Variants in DDX31 observed in about 807,000 individuals in gnomAD.
The protein encoded by DDX31 is ATP-dependent DNA helicase DDX31.
Under a neutral mutation model 91.3 loss-of-function variants are expected in DDX31, and 70 were observed. The ratio of observed to expected loss-of-function variants is 0.77; its 90% CI spans 0.63 to 0.94. DDX31 has a LOEUF of 0.94. Ranked by LOEUF, DDX31 falls within the 40% of genes least tolerant of loss-of-function variation. The probability of loss-of-function intolerance (pLI) is 0.00; values close to 1 mark genes in which losing one functional copy is unlikely to be tolerated. For missense variants in DDX31, 902 were observed against 925.0 expected (o/e 0.98, Z 0.32); for synonymous variants, 362 against 350.6 (o/e 1.03, Z -0.36).
intron 17 of DDX31, among the ~76,000 whole-genome samples, chr9:132,620,802 G>A (rs1280764803): frequency 6.6e-6 from 1 of 151,872 alleles, no homozygotes; most frequent in East Asian, 1.9e-4. Context: ...TCAAACCCCT[G>A]AGGGCACATG....
intron 18 of DDX31, 125 bp downstream of exon 18, chr9:132,618,205 G>A (rs1831763831): frequency 3.0e-6 from 2 of 657,700 alleles, no homozygotes; most frequent in South Asian, 5.1e-5. Context: ...GAGATTGAAG[G>A]CTTTGGCTGG....
chr9:132,658,477 T>G lies in DDX31; in HGVS notation c.588+194A>C. 1.3e-5 allele frequency: 9 copies of G among 672,882 alleles called. No homozygotes were observed. In the South Asian group the frequency reaches 1.5e-4, roughly 11 times the overall value. The allele number at this position is 672,882 out of a possible 1,614,324, so 41.7% of individuals were successfully genotyped here. On this transcript the variant is annotated intron_variant, in intron 6 of 19. Transcript: ENST00000372159. ...TTCCCTGTTACACTTACTATGACAA[T>G]TGTGAAGTGTATTTATTCTACTCTA...
chr9:132,628,773 G>C (rs946032050), intron 16 of DDX31, among the ~76,000 whole-genome samples: 17 of 152,236 alleles, frequency 1.1e-4, no homozygotes, highest in Non-Finnish European at 2.4e-4. Flanking sequence ...TGTAGCTCTA[G>C]AATGGAAGGA....
chr9:132,647,194 G>C (rs1833896138), intron 11 of DDX31, 136 bp from the exon 12 acceptor site: 1 of 726,460 alleles, frequency 1.4e-6, no homozygotes, highest in Non-Finnish European at 2.3e-6. Context: ...CCAAGTCCCA[G>C]CACTGATCCG....
intron 13 of DDX31, among the ~76,000 whole-genome samples, chr9:132,645,049 T>G (rs1833736369): frequency 6.6e-6 from 1 of 152,198 alleles, no homozygotes; most frequent in Non-Finnish European, 1.5e-5. Context: ...AATCTTATGA[T>G]CTTTTAAGCT....
intron 14 of DDX31, among the ~76,000 whole-genome samples, chr9:132,636,582 A>G (rs1239311639): frequency 6.6e-6 from 1 of 152,226 alleles, no homozygotes; most frequent in Non-Finnish European, 1.5e-5. Flanking sequence ...ACAGTGAGTG[A>G]TGAAGGGCGC....
chr9:132,667,401 C>T (rs970293694), intron 1 of DDX31, among the ~76,000 whole-genome samples: 1 of 151,682 alleles, frequency 6.6e-6, no homozygotes, highest in Non-Finnish European at 1.5e-5. Context: ...GAGATGGAGA[C>T]CATCCTGGCT....
intron 6 of DDX31, among the ~76,000 whole-genome samples, chr9:132,653,181 C>T (rs1834324102): frequency 6.6e-6 from 1 of 151,232 alleles, no homozygotes; most frequent in South Asian, 2.1e-4. Context: ...TGTCAAGCAG[C>T]TGAATGCAAA....
At position 132,612,179 on chromosome 9, in the gene DDX31, G is replaced by T; in HGVS notation, c.1902C>A (p.His634Gln). 1 of 1,614,234 alleles carries T rather than the reference G, an allele frequency of 6.2e-7. No homozygotes were observed. The highest frequency in any genetic ancestry group is 8.5e-7 in the Non-Finnish European group (1 of 1,180,044). Residue 634 changes from histidine (H) to glutamine (Q), a missense_variant, in exon 19 of 20, where the codon CAC (histidine) becomes CAA (glutamine). By Grantham distance (24) the His-to-Gln change is conservative. Transcript: ENST00000372159. ...LKHIFHVRSL[H>Q]LGHVAKSFGL... The stretch of plus-strand genomic sequence containing the variant: ...CGAAGCTCTTCGCCACATGCCCAAG[G>T]TGGAGGGATCGGACGTGGAAGATGT...
intron 9 of DDX31, 86 bp downstream of exon 9, chr9:132,650,148 A>G (rs778020952): frequency 4.4e-5 from 58 of 1,313,674 alleles, no homozygotes; most frequent in Non-Finnish European, 5.7e-5. Context: ...CAAAGCTCTC[A>G]GCAGGTTTAG....
intron 16 of DDX31, among the ~76,000 whole-genome samples, chr9:132,630,002 C>T (rs1448335160): frequency 6.6e-6 from 1 of 152,188 alleles, no homozygotes; most frequent in Non-Finnish European, 1.5e-5. Context: ...TATCTTGCAG[C>T]AGGAGAAACG....
At chr9:132,626,138 GA>G (rs3028359) in intron 16 of DDX31, among the ~76,000 whole-genome samples, 29,032 of 134,578 alleles carry the variant, frequency 0.22, 3,877 homozygotes, top group African/African-American at 0.39. Flanking sequence ...TACTGAAGAG[GA>G]AAAAAAAAAA....
chr9:132,657,156 T>A (rs1834620090), intron 6 of DDX31, among the ~76,000 whole-genome samples: 1 of 152,226 alleles, frequency 6.6e-6, no homozygotes, highest in African/African-American at 2.4e-5. Flanking sequence ...AAATAGTAAT[T>A]GAAAAAGTAT....
At position 132,663,293 on chromosome 9, in the gene DDX31, G is replaced by C. The variant is rs929547477; in HGVS notation, c.76-598C>G. ...TGCTCCTCCAGATTCAGACGGCCTG[G>C]AGAAAATTCCTACGCCCTGTTCCCA... On this transcript the variant is annotated intron_variant, in intron 1 of 19. Coordinates refer to ENST00000372159, the MANE Select transcript of DDX31 (RefSeq NM_022779.9). 6 of 1,289,126 alleles carry C rather than the reference G, an allele frequency of 4.7e-6. No individual in the cohort carries two copies. The Admixed American group carries it at 1.4e-4, about 30-fold the overall frequency. 79.9% of individuals were successfully genotyped at this position (1,289,126 alleles called of 1,614,324 possible).
chr9:132,658,712 G>A lies in DDX31; in HGVS notation c.547C>T (p.Pro183Ser), dbSNP rs773152466. 1.9e-6 allele frequency: 3 copies of A among 1,613,790 alleles called. No homozygotes were observed. Among genetic ancestry groups the A allele is most frequent in the Admixed American group, 1.7e-5 (1 of 59,992 alleles). ...GSGKTLAYCI[P>S]VVQSLQAMES... ...ATTGCTTGAAGGGACTGGACCACAG[G>A]GATGCAATAGGCAAGAGTTTTACCT... is the stretch of plus-strand genomic sequence containing the variant. The change falls in exon 6 of 20, where the codon CCT becomes TCT. Residue 183 changes from proline to serine, a missense_variant. Physicochemically the swap from Pro to Ser is moderately conservative, Grantham distance 74 (BLOSUM62 -1). Transcript: ENST00000372159.
At chr9:132,608,939 G>A (rs1156915089) in intron 19 of DDX31, among the ~76,000 whole-genome samples, 12 of 152,094 alleles carry the variant, frequency 7.9e-5, no homozygotes, top group African/African-American at 2.2e-4. Flanking sequence ...ACAATTATAC[G>A]GTCCATGTGC....
intron 4 of DDX31, among the ~76,000 whole-genome samples, chr9:132,660,832 T>C (rs1323653009): frequency 6.6e-6 from 1 of 152,222 alleles, no homozygotes; most frequent in Non-Finnish European, 1.5e-5. Context: ...TCCCACTCTA[T>C]CCAACTGAAC....
At chr9:132,641,437 A>G (rs1833500366) in intron 14 of DDX31, among the ~76,000 whole-genome samples, 1 of 152,226 alleles carries the variant, frequency 6.6e-6, no homozygotes, top group Non-Finnish European at 1.5e-5. Context: ...CTGGGGGTAG[A>G]GAACACTGAA....
At chr9:132,605,219 TTCTAC>T (rs1830942991) in intron 19 of DDX31, among the ~76,000 whole-genome samples, 1 of 152,232 alleles carries the variant, frequency 6.6e-6, no homozygotes, top group African/African-American at 2.4e-5. Flanking sequence ...ACATTTTGGT[TTCTAC>T]TCATCTATTA....
Sources: allele counts gnomAD v4.1 joint callset (sites outside exome capture counted in the v4.1 genomes callset), GRCh38; gene constraint gnomAD v4.1.1; transcripts MANE v1.5; gene names NCBI Gene and HGNC (gene_info 2026-07-23, HGNC 2026-07-21).